The following LSG1 variants were observed in gnomAD, a reference collection of about 807,000 sequenced individuals.
LSG1 encodes large 60S subunit nuclear export GTPase 1.
Under a neutral mutation model 82.6 loss-of-function variants are expected in LSG1, and 55 were observed. That is an observed-to-expected ratio of 0.67 (90% CI 0.54 to 0.83). The LOEUF is 0.83. Ranked by LOEUF, LSG1 falls within the 40% of genes least tolerant of loss-of-function variation. The pLI, the probability that LSG1 is intolerant of heterozygous loss-of-function variation, is 0.00. For synonymous variants in LSG1, 272 were observed against 282.5 expected (o/e 0.96, Z 0.37); for missense variants, 809 against 807.9 (o/e 1.00, Z -0.02).
intron 12 of LSG1, chr3:194,645,064 A>C (rs1413994620): frequency 5.2e-6 from 1 of 193,188 alleles, no homozygotes; most frequent in Non-Finnish European, 1.0e-5. Flanking sequence ...TCCAAAACAA[A>C]ACTCAAGACA....
chr3:194,648,706 C>T lies in LSG1; in HGVS notation c.1518G>A (p.Ser506=), dbSNP rs757898257. ...ATCCATAAGCTGTCAACAGTTCTTC[C>T]GATGTTGGAGGTCGGTGGGGATCTT... is the stretch of plus-strand genomic sequence containing the variant. ...EDEDPHRPPT[S]EELLTAYGYM... Residue 506 remains serine (S), a synonymous_variant, in exon 11 of 14, where the codon TCG becomes TCA. Coordinates refer to ENST00000265245, the MANE Select transcript of LSG1 (RefSeq NM_018385.3). 22 of 1,613,916 alleles carry T rather than the reference C, an allele frequency of 1.4e-5. 1 individual carries two copies. Among genetic ancestry groups the T allele is most frequent in the Non-Finnish European group, 1.7e-5 (20 of 1,180,004 alleles).
At chr3:194,652,627 C>T (rs572559890) in intron 8 of LSG1, 102 bp downstream of exon 8, 23 of 1,299,452 alleles carry the variant, frequency 1.8e-5, no homozygotes, top group African/African-American at 7.4e-5. Context: ...ATGTTCCCTA[C>T]GATGCCGGAA....
At chr3:194,643,988 A>G (rs1353922484) in intron 13 of LSG1, among the ~76,000 whole-genome samples, 3 of 152,300 alleles carry the variant, frequency 2.0e-5, no homozygotes, top group East Asian at 1.9e-4. Context: ...AAGTCTCCAG[A>G]ACAGGCAAAT....
chr3:194,660,891 A>G (rs1274048296), intron 5 of LSG1: 3 of 456,608 alleles, frequency 6.6e-6, no homozygotes, highest in South Asian at 4.6e-5. Flanking sequence ...CCAGCACTGC[A>G]AGGAGAAAAA....
chr3:194,658,393 C>T (rs887530888), intron 7 of LSG1, among the ~76,000 whole-genome samples: 5 of 152,136 alleles, frequency 3.3e-5, no homozygotes, highest in African/African-American at 9.7e-5. Context: ...GTGATCTGCC[C>T]CTCTCGGCTT....
chr3:194,650,161 C>T lies in LSG1; in HGVS notation c.1419+720G>A, dbSNP rs930266545. 2.6e-5 allele frequency among the ~76,000 whole-genome samples: 4 copies of T among 152,180 alleles called. No homozygotes were observed. In the East Asian group the frequency reaches 5.8e-4, roughly 22 times the overall value. ...TCTCAAAACCTGGCCTTAAGTGATCCGCCTGCCACAGCCTCCCAAAGTGTT... is the reference window on the plus strand; with the variant it reads ...TCTCAAAACCTGGCCTTAAGTGATCTGCCTGCCACAGCCTCCCAAAGTGTT... On this transcript the variant is annotated intron_variant, in intron 10 of 13. Coordinates refer to ENST00000265245, the MANE Select transcript of LSG1 (RefSeq NM_018385.3).
Position 194,648,832 on chromosome 3 carries a change from G to C in LSG1, c.1420-28C>G, listed in dbSNP as rs1337321372. 1.9e-6 allele frequency: 3 copies of C among 1,613,032 alleles called. No individual in the cohort carries two copies. The South Asian group carries it at 3.3e-5, about 18-fold the overall frequency. On this transcript the variant is annotated intron_variant, in intron 10 of 13. Transcript: ENST00000265245. The stretch of plus-strand genomic sequence containing the variant: ...AGCTTGTCAGGGAATCCATTCTCTT[G>C]AACGGACTCCCTCCTCCCCATGGCA...
intron 12 of LSG1, among the ~76,000 whole-genome samples, chr3:194,645,575 G>GACACACACACAC (rs57272537): frequency 8.9e-4 from 18 of 20,132 alleles, no homozygotes; most frequent in South Asian, 2.4e-3. Context: ...CACACAGACA[G>GACACACACACAC]ACACACACAC....
chr3:194,646,980 A>G (rs1018078913), intron 11 of LSG1, among the ~76,000 whole-genome samples: 2 of 152,234 alleles, frequency 1.3e-5, no homozygotes, highest in Non-Finnish European at 2.9e-5. Flanking sequence ...CTCAATTAGA[A>G]AAGCAGCGAA....
Position 194,640,890 on chromosome 3 carries a change from A to C in LSG1, c.*1178T>G, listed in dbSNP as rs1047424191. ...GGGAGGCCTCAGGAAACTTACAATC[A>C]TGTTAGAAGGCGAAGGAGAAGCAGG... On this transcript the variant is annotated 3_prime_UTR_variant, in exon 14 of 14. Coordinates refer to ENST00000265245, the MANE Select transcript of LSG1 (RefSeq NM_018385.3). The C allele has an allele frequency of 6.6e-6, 1 of 152,660 alleles. No homozygotes were observed. Among genetic ancestry groups the C allele is most frequent in the Non-Finnish European group, 1.5e-5 (1 of 68,334 alleles). 9.5% of individuals were successfully genotyped at this position (152,660 alleles called of 1,614,324 possible). A position where few individuals can be genotyped will look rare whatever the true frequency, so the allele number is the denominator to read the frequency against.
chr3:194,655,706 C>CA (rs1179005443), intron 7 of LSG1, among the ~76,000 whole-genome samples: 2 of 151,852 alleles, frequency 1.3e-5, no homozygotes, highest in Non-Finnish European at 2.9e-5. Context: ...AATCCTAAGC[C>CA]AAAAGAACAA....
In LSG1 at chr3:194,651,012, C is replaced by T. The variant is rs562646007; in HGVS notation, c.1288G>A (p.Glu430Lys). The change falls in exon 10 of 14, where the codon GAG (glutamate) becomes AAG (lysine). Residue 430 changes from glutamate (E) to lysine (K), a missense_variant. Glu to Lys is a moderately conservative substitution (Grantham distance 56, BLOSUM62 1). Transcript: ENST00000265245. ...CAGTCACACAGGCAGAGGCCAGGCTCCACATAGAGAGTCTGGAAGACAAGC... is the reference window on the plus strand; with the variant it reads ...CAGTCACACAGGCAGAGGCCAGGCTTCACATAGAGAGTCTGGAAGACAAGC... ...HTKHFQTLYV[E>K]PGLCLCDCPG... The T allele has an allele frequency of 6.8e-6, 11 of 1,613,942 alleles. No individual in the cohort carries two copies. The highest frequency in any genetic ancestry group is 6.7e-5 in the African/African-American group (5 of 75,032).
At chr3:194,645,623 G>C (rs1049105515) in intron 12 of LSG1, among the ~76,000 whole-genome samples, 42 of 103,284 alleles carry the variant, frequency 4.1e-4, no homozygotes, top group African/African-American at 8.7e-4. Flanking sequence ...CACACACACA[G>C]AGTTTTCATT....
At position 194,664,084 on chromosome 3, in the gene LSG1, T is replaced by C. The variant is rs145999106; in HGVS notation, c.521+1473A>G. ...ACCTCCTGGATTCAAGTGATTCTCCTGCCTCAGCTTCCCAAGTAGTAGCCA... is the reference window on the plus strand; with the variant it reads ...ACCTCCTGGATTCAAGTGATTCTCCCGCCTCAGCTTCCCAAGTAGTAGCCA... On this transcript the variant is annotated intron_variant, in intron 5 of 13. Coordinates refer to ENST00000265245, the MANE Select transcript of LSG1 (RefSeq NM_018385.3). 5.1e-4 allele frequency among the ~76,000 whole-genome samples: 77 copies of C among 151,840 alleles called. 1 individual carries two copies. Among genetic ancestry groups the C allele is most frequent in the African/African-American group, 1.8e-3 (72 of 41,140 alleles).
rs746770719 is a variant in LSG1 at position 194,670,005 on chromosome 3, T to C, written c.226+4A>G. ...TCACCTGCACTCAGCAATAAACAAC[T>C]TACCAGCTACAAACTCTGTTCCTGC... On this transcript the variant is annotated splice_donor_region_variant and intron_variant, in intron 2 of 13. Transcript: ENST00000265245. The C allele has an allele frequency of 2.5e-6, 4 of 1,613,414 alleles. No homozygotes were observed. Among genetic ancestry groups the C allele is most frequent in the South Asian group, 1.1e-5 (1 of 91,068 alleles).
chr3:194,645,605 C>CAG (rs1560219957), intron 12 of LSG1, among the ~76,000 whole-genome samples: 1 of 134,078 alleles, frequency 7.5e-6, no homozygotes, highest in Non-Finnish European at 1.6e-5. Context: ...CACACACACA[C>CAG]ACACACACAC....
At chr3:194,658,251 G>A (rs915311390) in intron 7 of LSG1, among the ~76,000 whole-genome samples, 8 of 152,130 alleles carry the variant, frequency 5.3e-5, no homozygotes, top group African/African-American at 1.9e-4. Context: ...AGGTTCAGCC[G>A]ATTCTCCTGC....
At position 194,657,464 on chromosome 3, in the gene LSG1, T is replaced by TTTG. The variant is rs930271939; in HGVS notation, c.759+1492_759+1493insCAA. ...GATGAGGTTTGCTTAGTAAGTTTTT[T>TTTG]TTTTTTTTTTTTTGATATTTGAGGG... On this transcript the variant is annotated intron_variant, in intron 7 of 13. Transcript: ENST00000265245. Among the ~76,000 whole-genome samples the TTTG allele has an allele frequency of 4.4e-4, 32 of 72,650 alleles. 1 individual carries two copies. The highest frequency in any genetic ancestry group is 1.1e-3 in the Non-Finnish European group (29 of 26,930). 47.7% of individuals were successfully genotyped at this position (72,650 alleles called of 152,430 possible).
intron 3 of LSG1, 69 bp downstream of exon 3, chr3:194,666,383 G>A: frequency 1.2e-6 from 2 of 1,600,164 alleles, no homozygotes; most frequent in South Asian, 1.1e-5. Flanking sequence ...AGAAAAAGAA[G>A]CAATTTAAAA....
Sources: allele counts gnomAD v4.1 joint callset (sites outside exome capture counted in the v4.1 genomes callset), GRCh38; gene constraint gnomAD v4.1.1; transcripts MANE v1.5; gene names NCBI Gene and HGNC (gene_info 2026-07-23, HGNC 2026-07-21).